Variants in DOCK9 observed in about 807,000 individuals in gnomAD.
DOCK9 encodes the protein dedicator of cytokinesis 9.
A neutral mutation model predicts 263.3 loss-of-function variants in DOCK9; 89 were observed. The observed-to-expected ratio is 0.34, with a 90% CI of 0.28 to 0.40. DOCK9 has a LOEUF of 0.40. Ranked by LOEUF, DOCK9 falls within the 10% of genes least tolerant of loss-of-function variation. DOCK9 has a pLI of 1.00. For synonymous variants in DOCK9, 976 were observed against 973.1 expected (o/e 1.00, Z -0.06); for missense variants, 2,140 against 2,603.4 (o/e 0.82, Z 3.87).
chr13:98,931,706 T>C (rs1319835334), intron 2 of DOCK9, among the ~76,000 whole-genome samples: 2 of 152,178 alleles, frequency 1.3e-5, no homozygotes, highest in East Asian at 1.9e-4. Context: ...CAAGTGATTG[T>C]CATGCTTCAG....
chr13:98,952,909 C>T (rs1474706551), intron 2 of DOCK9, among the ~76,000 whole-genome samples: 1 of 152,196 alleles, frequency 6.6e-6, no homozygotes, highest in Non-Finnish European at 1.5e-5. Context: ...CTGCCATTTC[C>T]TAACCAACTT....
chr13:99,015,490 T>C, intron 1 of DOCK9: 2 of 1,597,906 alleles, frequency 1.3e-6, no homozygotes, highest in East Asian at 2.2e-5. Context: ...TTTTGTCCAA[T>C]TGTATGCTGT....
chr13:98,942,325 G>A (rs564138146), intron 2 of DOCK9, among the ~76,000 whole-genome samples: 82 of 149,120 alleles, frequency 5.5e-4, no homozygotes, highest in Middle Eastern at 3.4e-3. Flanking sequence ...TGCAAGATCC[G>A]CCTCCCAGGT....
intron 1 of DOCK9, among the ~76,000 whole-genome samples, chr13:99,006,721 T>C (rs1277878975): frequency 1.3e-5 from 2 of 152,208 alleles, no homozygotes; most frequent in African/African-American, 4.8e-5. Flanking sequence ...TTCCTCTTAT[T>C]CTTCTTTGTG....
intron 9 of DOCK9, among the ~76,000 whole-genome samples, chr13:98,907,019 C>CA (rs2049214852): frequency 6.6e-6 from 1 of 152,164 alleles, no homozygotes; most frequent in Non-Finnish European, 1.5e-5. Context: ...GCTTCCAGGG[C>CA]AAAACATGTG....
At chr13:98,886,692 C>A (rs1030470439) in intron 18 of DOCK9, 68 bp from the exon 19 acceptor site, 21 of 1,417,932 alleles carry the variant, frequency 1.5e-5, no homozygotes, top group Middle Eastern at 1.8e-4. Flanking sequence ...TTGGATATAT[C>A]GTAAAGGAGG....
intron 3 of DOCK9, among the ~76,000 whole-genome samples, chr13:98,929,952 T>A (rs1022827494): frequency 6.6e-6 from 1 of 152,162 alleles, no homozygotes; most frequent in African/African-American, 2.4e-5. Flanking sequence ...AAATAAAGTT[T>A]TAAAAATAAT....
intron 27 of DOCK9, among the ~76,000 whole-genome samples, chr13:98,871,494 T>C (rs1370400341): frequency 2.0e-5 from 3 of 152,186 alleles, no homozygotes; most frequent in African/African-American, 4.8e-5. Flanking sequence ...AGAGTCCTAA[T>C]TGTCAATAAA....
At chr13:98,946,817 A>G (rs534265086) in intron 2 of DOCK9, among the ~76,000 whole-genome samples, 2 of 152,006 alleles carry the variant, frequency 1.3e-5, no homozygotes, top group Non-Finnish European at 2.9e-5. Context: ...CACCAACTCC[A>G]CAGCCCTTTC....
In DOCK9 at chr13:98,903,074, T is replaced by A. The variant is rs747771377; in HGVS notation, c.1074A>T (p.Ser358=). 1 of 1,534,534 alleles carries A rather than the reference T, an allele frequency of 6.5e-7. No homozygotes were observed. The highest frequency in any genetic ancestry group is 2.5e-5 in the East Asian group (1 of 40,026). The change falls in exon 11 of 53, where the codon TCA becomes TCT. Residue 358 remains serine, a synonymous_variant. Coordinates refer to ENST00000682017, the MANE Select transcript of DOCK9 (RefSeq NM_001366683.2). ...DFSSAEPEVK[S]FEEKFGKRIL... The stretch of plus-strand genomic sequence containing the variant: ...TCCTTTTTCCAAACTTCTCTTCAAA[T>A]GACTTCACTTCTGGCTCAGCTGATG...
chr13:98,864,418 T>C (rs1357300354), intron 30 of DOCK9, among the ~76,000 whole-genome samples: 1 of 152,214 alleles, frequency 6.6e-6, no homozygotes, highest in African/African-American at 2.4e-5. Context: ...GACTCCATTA[T>C]TAAAGGAAAG....
At position 98,825,330 on chromosome 13, in the gene DOCK9, A is replaced by G. The variant is rs1047679924; in HGVS notation, c.5024-826T>C. On this transcript the variant is annotated intron_variant, in intron 44 of 52. Coordinates refer to ENST00000682017, the MANE Select transcript of DOCK9 (RefSeq NM_001366683.2). This position sits in a 1 kb window ranked among gnomAD's most constrained non-coding sequence, Gnocchi z 4.1. ...CTACTCTATTTTGAGATAACTGTTCACAATAAAATAAAACAGAAGTAAAAA... is the reference window on the plus strand; with the variant it reads ...CTACTCTATTTTGAGATAACTGTTCGCAATAAAATAAAACAGAAGTAAAAA... Among the ~76,000 whole-genome samples, 4 of 152,254 alleles carry G rather than the reference A, an allele frequency of 2.6e-5. No homozygotes were observed. Among genetic ancestry groups the G allele is most frequent in the Non-Finnish European group, 4.4e-5 (3 of 68,034 alleles).
chr13:98,886,147 T>C (rs1261755962), intron 19 of DOCK9, among the ~76,000 whole-genome samples: 1 of 152,146 alleles, frequency 6.6e-6, no homozygotes, highest in Non-Finnish European at 1.5e-5. Flanking sequence ...CCAAGTAGCA[T>C]GCATACAGTG....
chr13:98,848,625 T>A lies in DOCK9; in HGVS notation c.4028A>T (p.Gln1343Leu). The part of the protein sequence containing the change: ...FFTISEVCLH[Q>L]FQYMGKRYIA... The stretch of plus-strand genomic sequence containing the variant: ...GTATCGCTTCCCCATGTACTGGAAC[T>A]GGTGCAGGCAGACTCTGCAGGCAAG... Residue 1343 changes from glutamine (Q) to leucine (L), a missense_variant, in exon 37 of 53, where the codon CAG (glutamine) becomes CTG (leucine). Gln to Leu is a moderately radical substitution (Grantham distance 113). Coordinates refer to ENST00000682017, the MANE Select transcript of DOCK9 (RefSeq NM_001366683.2). 5 of 1,612,622 alleles carry A rather than the reference T, an allele frequency of 3.1e-6. No individual in the cohort carries two copies. In the South Asian group the frequency reaches 5.5e-5, roughly 18 times the overall value.
chr13:99,071,314 T>C (rs939013753), intron 1 of DOCK9, among the ~76,000 whole-genome samples: 2 of 134,354 alleles, frequency 1.5e-5, no homozygotes, highest in Admixed American at 1.5e-4. Flanking sequence ...GGCTTTTTTT[T>C]TTTTTTTTTT....
chr13:98,880,202 C>T (rs74453778), intron 26 of DOCK9, among the ~76,000 whole-genome samples: 3 of 152,128 alleles, frequency 2.0e-5, no homozygotes, highest in South Asian at 2.1e-4. Flanking sequence ...CTGTGCTCAG[C>T]GTGGCACAAC....
rs376714455 is a variant in DOCK9 at position 98,886,651 on chromosome 13, C to A, written c.2044-27G>T. On this transcript the variant is annotated intron_variant, in intron 18 of 52. Coordinates refer to ENST00000682017, the MANE Select transcript of DOCK9 (RefSeq NM_001366683.2). ...TAAAATAAGAGTTACCAAAGGGAAACATCACGGTTCGATTAAGTAAGAAAT... is the reference window on the plus strand; with the variant it reads ...TAAAATAAGAGTTACCAAAGGGAAAAATCACGGTTCGATTAAGTAAGAAAT... 8.2e-6 allele frequency: 13 copies of A among 1,589,098 alleles called. No individual in the cohort carries two copies. The African/African-American group carries it at 1.5e-4, about 18-fold the overall frequency.
At chr13:99,078,189 A>C (rs2041987155) in intron 1 of DOCK9, among the ~76,000 whole-genome samples, 1 of 152,174 alleles carries the variant, frequency 6.6e-6, no homozygotes, top group Admixed American at 6.5e-5. Flanking sequence ...AAGCAGGTCT[A>C]GGGCGGGGCA....
chr13:99,045,834 T>G (rs1459848293), intron 1 of DOCK9, among the ~76,000 whole-genome samples: 1 of 151,744 alleles, frequency 6.6e-6, no homozygotes, highest in East Asian at 1.9e-4. Context: ...GGCTCACACC[T>G]GTAATCCCAG....
Sources: allele counts gnomAD v4.1 joint callset (sites outside exome capture counted in the v4.1 genomes callset), GRCh38; gene constraint gnomAD v4.1.1; non-coding constraint Gnocchi (gnomAD v3.1); transcripts MANE v1.5; gene names NCBI Gene and HGNC (gene_info 2026-07-23, HGNC 2026-07-21).